Variants in VPS26A observed in about 807,000 individuals in gnomAD.
The protein encoded by VPS26A is VPS26 retromer complex component A.
VPS26A carries 22 observed loss-of-function variants against 42.4 expected under a neutral mutation model. The ratio of observed to expected loss-of-function variants is 0.52; its 90% confidence interval spans 0.37 to 0.74. The LOEUF is 0.74. VPS26A is among the 30% of genes least tolerant of loss of function. VPS26A has a pLI of 0.00. For missense variants in VPS26A, 276 were observed against 379.2 expected (o/e 0.73, Z 2.26); for synonymous variants, 110 against 123.5 (o/e 0.89, Z 0.73).
intron 1 of VPS26A, among the ~76,000 whole-genome samples, chr10:69,130,840 C>A (rs992710154): frequency 1.2e-4 from 18 of 152,116 alleles, no homozygotes; most frequent in Admixed American, 8.5e-4. Flanking sequence ...GTATGAGATT[C>A]ATTCTTGTGT....
chr10:69,126,243 CT>C (rs55952508), intron 1 of VPS26A, among the ~76,000 whole-genome samples: 114,727 of 151,978 alleles, frequency 0.75, 45,326 homozygotes, highest in Non-Finnish European at 0.89. Context: ...GGCGGATCAC[CT>C]TGAAGTCGGG....
At chr10:69,166,209 T>C in intron 7 of VPS26A, 99 bp downstream of exon 7, 1 of 1,100,132 alleles carries the variant, frequency 9.1e-7, no homozygotes, top group Non-Finnish European at 1.3e-6. Flanking sequence ...CTTTGAATTC[T>C]TAAACCATTC....
In VPS26A at chr10:69,173,820, G is replaced by A. The variant is rs1420143125; in HGVS notation, c.*2551G>A. Among the ~76,000 whole-genome samples, 2 of 152,186 alleles carry A rather than the reference G, an allele frequency of 1.3e-5. No homozygotes were observed. The highest frequency in any genetic ancestry group is 2.9e-5 in the Non-Finnish European group (2 of 68,020). The stretch of plus-strand genomic sequence containing the variant: ...GTTCGAGACCAGCCTGACCAACGTG[G>A]AGAAACTCCATCTCTACCAAAAATG... On this transcript the variant is annotated 3_prime_UTR_variant, in exon 9 of 9. Transcript: ENST00000263559.
intron 1 of VPS26A, among the ~76,000 whole-genome samples, chr10:69,126,313 C>CA (rs1484531952): frequency 2.0e-5 from 3 of 151,120 alleles, no homozygotes; most frequent in Admixed American, 6.6e-5. Flanking sequence ...AATACAAAAA[C>CA]AAAAAAAAAT....
intron 7 of VPS26A, among the ~76,000 whole-genome samples, chr10:69,166,637 G>C (rs908445608): frequency 2.6e-5 from 4 of 152,180 alleles, no homozygotes; most frequent in African/African-American, 7.2e-5. Context: ...TAAGTGCCAA[G>C]TGTAGATGAG....
At chr10:69,154,874 T>A (rs973313513) in intron 2 of VPS26A, among the ~76,000 whole-genome samples, 1 of 152,128 alleles carries the variant, frequency 6.6e-6, no homozygotes, top group Non-Finnish European at 1.5e-5. Flanking sequence ...TTAAAATATG[T>A]GTGTGTGTGC....
chr10:69,127,567 C>A (rs1837862458), intron 1 of VPS26A, among the ~76,000 whole-genome samples: 1 of 150,520 alleles, frequency 6.6e-6, no homozygotes, highest in Admixed American at 6.6e-5. Flanking sequence ...AAAAAAAAAA[C>A]CTGAATGTTA....
At position 69,171,305 on chromosome 10, in the gene VPS26A, C is replaced by G; in HGVS notation, c.*36C>G. 2 of 1,577,952 alleles carry G rather than the reference C, an allele frequency of 1.3e-6. No homozygotes were observed. The highest frequency in any genetic ancestry group is 1.7e-6 in the Non-Finnish European group (2 of 1,159,398). ...AGAAAAAAAGAAAAGCAAAAAACTCCTGTAACCCTTGAGATTAAGTTCAGC... is the reference window on the plus strand; with the variant it reads ...AGAAAAAAAGAAAAGCAAAAAACTCGTGTAACCCTTGAGATTAAGTTCAGC... On this transcript the variant is annotated 3_prime_UTR_variant, in exon 9 of 9. Transcript: ENST00000263559.
chr10:69,154,731 T>TTA (rs1042735838), intron 2 of VPS26A, among the ~76,000 whole-genome samples: 1 of 151,768 alleles, frequency 6.6e-6, no homozygotes, highest in Non-Finnish European at 1.5e-5. Flanking sequence ...CTTGGTGTAG[T>TTA]TATGCATCCC....
intron 2 of VPS26A, among the ~76,000 whole-genome samples, chr10:69,136,357 T>C (rs535313450): frequency 6.6e-6 from 1 of 151,694 alleles, no homozygotes; most frequent in Non-Finnish European, 1.5e-5. Flanking sequence ...TCCCGCTTCC[T>C]GGGTCCAAGT....
rs776004222 is a variant in VPS26A at position 69,157,137 on chromosome 10, T to G, written c.360T>G (p.Ser120=). 3 of 1,613,036 alleles carry G rather than the reference T, an allele frequency of 1.9e-6. No individual in the cohort carries two copies. In the South Asian group the frequency reaches 3.3e-5, roughly 18 times the overall value. The change falls in exon 4 of 9, where the codon TCT becomes TCG. Residue 120 remains serine, a synonymous_variant. Transcript: ENST00000263559. ...EFMQVEKPYE[S]YIGANVRLRY... Reference sequence around the variant, plus strand: ...TGCAAGTTGAAAAGCCATATGAATCTTACATCGGTGCCAATGTCCGCTTGA... The same window carrying G: ...TGCAAGTTGAAAAGCCATATGAATCGTACATCGGTGCCAATGTCCGCTTGA...
intron 1 of VPS26A, among the ~76,000 whole-genome samples, chr10:69,125,903 A>G (rs1840641313): frequency 6.6e-6 from 1 of 152,190 alleles, no homozygotes; most frequent in African/African-American, 2.4e-5. Context: ...TATTTTTGCT[A>G]ATTGGTAATG....
Position 69,159,122 on chromosome 10 carries a change from C to T in VPS26A, c.551+911C>T, listed in dbSNP as rs1170547895. ...GGGTGCGGTGGCTCACACCTGTAATCCCAGCACTTTGGGAGGCCAAGGTGG... is the reference window on the plus strand; with the variant it reads ...GGGTGCGGTGGCTCACACCTGTAATTCCAGCACTTTGGGAGGCCAAGGTGG... On this transcript the variant is annotated intron_variant, in intron 5 of 8. Transcript: ENST00000263559. 2.6e-5 allele frequency among the ~76,000 whole-genome samples: 4 copies of T among 152,090 alleles called. 1 individual carries two copies. The highest frequency in any genetic ancestry group is 7.2e-5 in the African/African-American group (3 of 41,416).
chr10:69,126,118 T>TA (rs1840647168), intron 1 of VPS26A, among the ~76,000 whole-genome samples: 1 of 152,164 alleles, frequency 6.6e-6, no homozygotes, highest in Non-Finnish European at 1.5e-5. Flanking sequence ...ATATTCCAAA[T>TA]GCGCCCTTGA....
chr10:69,149,727 G>GGTTTTTTTT (rs1841249742), intron 2 of VPS26A, among the ~76,000 whole-genome samples: 1 of 93,964 alleles, frequency 1.1e-5, no homozygotes, highest in African/African-American at 4.9e-5. Context: ...CTTTCTTGGT[G>GGTTTTTTTT]TTTTTTGTTT....
intron 2 of VPS26A, among the ~76,000 whole-genome samples, chr10:69,154,916 T>TA (rs897642909): frequency 5.7e-4 from 82 of 143,036 alleles, no homozygotes; most frequent in Admixed American, 1.3e-3. Flanking sequence ...CATATATATA[T>TA]TTTTTTTTTA....
At chr10:69,143,755 C>T (rs1415291304) in intron 2 of VPS26A, among the ~76,000 whole-genome samples, 1 of 152,118 alleles carries the variant, frequency 6.6e-6, no homozygotes, top group African/African-American at 2.4e-5. Context: ...CTTGCTGTGT[C>T]ACCCAGGCTG....
At position 69,159,736 on chromosome 10, in the gene VPS26A, T is replaced by C. The variant is rs116948813; in HGVS notation, c.551+1525T>C. 9.3e-4 allele frequency among the ~76,000 whole-genome samples: 142 copies of C among 152,318 alleles called. 1 individual carries two copies. In the East Asian group the frequency reaches 0.025, roughly 26 times the overall value. On this transcript the variant is annotated intron_variant, in intron 5 of 8. Transcript: ENST00000263559. ...ATATCTAAAAATATTAGTAATTCCT[T>C]AATATCTTCATACACCCAGACAGTA...
intron 2 of VPS26A, among the ~76,000 whole-genome samples, chr10:69,142,558 G>A (rs1187694617): frequency 1.3e-5 from 2 of 152,004 alleles, no homozygotes; most frequent in Non-Finnish European, 2.9e-5. Context: ...AATGAAAAAA[G>A]TGGTATAGAT....
Sources: allele counts gnomAD v4.1 joint callset (sites outside exome capture counted in the v4.1 genomes callset), GRCh38; gene constraint gnomAD v4.1.1; transcripts MANE v1.5; gene names NCBI Gene and HGNC (gene_info 2026-07-23, HGNC 2026-07-21).